Variants in KDM4B observed in about 807,000 individuals in gnomAD.
KDM4B encodes lysine-specific demethylase 4B.
KDM4B carries 32 observed loss-of-function variants against 125.2 expected under a neutral mutation model. The ratio of observed to expected loss-of-function variants is 0.26; its 90% CI spans 0.19 to 0.34. The LOEUF is 0.34. KDM4B is among the 10% of genes least tolerant of loss of function. KDM4B has a pLI of 1.00. For missense variants in KDM4B, 1,190 were observed against 1,577.7 expected, an observed-to-expected ratio of 0.75 and a Z score of 4.16; for synonymous variants, 721 against 677.9, an observed-to-expected ratio of 1.06 and a Z score of -0.99.
intron 1 of KDM4B, among the ~76,000 whole-genome samples, chr19:4,996,800 TAAAAAC>T (rs1241397231): frequency 1.3e-5 from 2 of 152,086 alleles, no homozygotes; most frequent in African/African-American, 2.4e-5. Context: ...TTTCTTGACT[TAAAAAC>T]AAAAAAACAA....
chr19:5,119,077 C>A, intron 10 of KDM4B: 1 of 1,294,038 alleles, frequency 7.7e-7, no homozygotes, highest in Non-Finnish European at 1.1e-6. Context: ...GGGAGTTGAG[C>A]AGAAGTCCTA....
In KDM4B at chr19:5,135,523, T is replaced by A. The variant is rs756673599; in HGVS notation, c.2270T>A (p.Leu757Gln). ...ATCGGCGACGACGGGACCAGCCCCC[T>A]GATCGCCTGCGGCAAGTGCTGCCTG... ...SYIGDDGTSP[L>Q]IACGKCCLQV... Residue 757 changes from leucine to glutamine, a missense_variant, in exon 15 of 23, where the codon CTG (leucine) becomes CAG (glutamine). Physicochemically the swap from Leu to Gln is moderately radical, Grantham distance 113. Transcript: ENST00000159111. 1.2e-6 allele frequency: 2 copies of A among 1,608,930 alleles called. No individual in the cohort carries two copies. Among genetic ancestry groups the A allele is most frequent in the Non-Finnish European group, 1.7e-6 (2 of 1,178,570 alleles).
chr19:4,982,869 T>C (rs1391902958), intron 1 of KDM4B, among the ~76,000 whole-genome samples: 3 of 152,176 alleles, frequency 2.0e-5, no homozygotes, highest in African/African-American at 7.2e-5. Flanking sequence ...CCTTGGCCTC[T>C]GAAAATGCTG....
At chr19:5,058,367 G>A (rs1249110973) in intron 6 of KDM4B, among the ~76,000 whole-genome samples, 1 of 152,240 alleles carries the variant, frequency 6.6e-6, no homozygotes, top group Non-Finnish European at 1.5e-5. Context: ...CCAGGCCCGG[G>A]AGCCCTTGGG....
intron 9 of KDM4B, among the ~76,000 whole-genome samples, chr19:5,088,666 C>CA (rs1033974783): frequency 4.7e-5 from 2 of 42,480 alleles, no homozygotes; most frequent in Non-Finnish European, 1.0e-4. Context: ...CCCCCCCCCT[C>CA]CCCCCCCCCG....
chr19:5,121,945 A>C lies in KDM4B; in HGVS notation c.1315+2093A>C, dbSNP rs1002979784. Among the ~76,000 whole-genome samples, 4 of 152,234 alleles carry C rather than the reference A, an allele frequency of 2.6e-5. No individual in the cohort carries two copies. The East Asian group carries it at 7.8e-4, about 30-fold the overall frequency. On this transcript the variant is annotated intron_variant, in intron 11 of 22. Transcript: ENST00000159111. ...AAAGGTCTAGGAATAGGAATCCCGGAGCAGTGGACTTGGTGTGAGACCTCA... is the reference window on the plus strand; with the variant it reads ...AAAGGTCTAGGAATAGGAATCCCGGCGCAGTGGACTTGGTGTGAGACCTCA...
chr19:5,048,719 AG>A (rs1487544942), intron 6 of KDM4B, among the ~76,000 whole-genome samples: 1 of 152,228 alleles, frequency 6.6e-6, no homozygotes, highest in Non-Finnish European at 1.5e-5. Context: ...CCCAAGGGAA[AG>A]GCCCTGTAGA....
chr19:4,973,484 C>A (rs1383554782), intron 1 of KDM4B, among the ~76,000 whole-genome samples: 3 of 152,140 alleles, frequency 2.0e-5, no homozygotes, highest in African/African-American at 7.2e-5. Context: ...CCACTATGCT[C>A]GGCCAAGTTG....
At chr19:5,013,636 C>T (rs1043782346) in intron 1 of KDM4B, among the ~76,000 whole-genome samples, 4 of 152,314 alleles carry the variant, frequency 2.6e-5, no homozygotes, top group Non-Finnish European at 5.9e-5. Flanking sequence ...ACAGCCACAG[C>T]GCAGCGTTTT....
chr19:5,136,120 C>G (rs922045802), intron 15 of KDM4B, among the ~76,000 whole-genome samples: 2 of 152,258 alleles, frequency 1.3e-5, no homozygotes, highest in Middle Eastern at 3.2e-3. Flanking sequence ...CTCACTGGCC[C>G]TCTGGACAGT....
intron 3 of KDM4B, among the ~76,000 whole-genome samples, chr19:5,038,292 G>A (rs1382131103): frequency 6.6e-6 from 1 of 152,202 alleles, no homozygotes; most frequent in Admixed American, 6.6e-5. Flanking sequence ...GGTGCCCACC[G>A]GCAGTCTAGA....
intron 11 of KDM4B, among the ~76,000 whole-genome samples, chr19:5,128,126 C>G (rs950180553): frequency 6.6e-6 from 1 of 151,932 alleles, no homozygotes; most frequent in African/African-American, 2.4e-5. Flanking sequence ...GAGGACAGCC[C>G]GGCTCTGTGT....
chr19:5,069,027 G>A (rs972427637), intron 6 of KDM4B, among the ~76,000 whole-genome samples: 5 of 152,134 alleles, frequency 3.3e-5, no homozygotes, highest in South Asian at 2.1e-4. Flanking sequence ...TTCCCTGTGC[G>A]GAGGGGTCTT....
chr19:4,992,262 AT>A (rs1343505364), intron 1 of KDM4B, among the ~76,000 whole-genome samples: 2 of 151,920 alleles, frequency 1.3e-5, no homozygotes, highest in African/African-American at 4.8e-5. Flanking sequence ...GGCTGTCTCT[AT>A]TTTGTTTATT....
intron 17 of KDM4B, 73 bp from the exon 18 acceptor site, chr19:5,137,871 ACCCAGCCGACAGCCACAT>A: frequency 8.2e-7 from 1 of 1,215,372 alleles, no homozygotes; most frequent in Non-Finnish European, 1.2e-6. Flanking sequence ...CCAGGCCCTG[ACCCAGCCGACAGCCACAT>A]CACGCCCAGC....
chr19:5,088,665 T>TCCCCCCCCCCC (rs35143112), intron 9 of KDM4B, among the ~76,000 whole-genome samples: 6 of 103,780 alleles, frequency 5.8e-5, no homozygotes, highest in Non-Finnish European at 1.2e-4. Context: ...GCCCCCCCCC[T>TCCCCCCCCCCC]CCCCCCCCCC....
At chr19:5,094,072 G>A (rs181179370) in intron 9 of KDM4B, among the ~76,000 whole-genome samples, 8 of 152,340 alleles carry the variant, frequency 5.3e-5, no homozygotes, top group Admixed American at 3.9e-4. Flanking sequence ...AGGGCTGGCC[G>A]AGATCTCAGG....
Position 5,153,046 on chromosome 19 carries a change from C to CA in KDM4B, c.*1549dup, listed in dbSNP as rs59905127. On this transcript the variant is annotated 3_prime_UTR_variant, in exon 23 of 23. Coordinates refer to ENST00000159111, the MANE Select transcript of KDM4B (RefSeq NM_015015.3). ...GGGCAACAGAGCGAGACCCTGTCTCCAAAAAAAAAAAAAAGCAATGTTTAT... is the reference window on the plus strand; with the variant it reads ...GGGCAACAGAGCGAGACCCTGTCTCCAAAAAAAAAAAAAAAGCAATGTTTAT... 0.02 allele frequency: 1,918 copies of CA among 96,878 alleles called. 46 individuals are homozygous for CA. The highest frequency in any genetic ancestry group is 0.061 in the African/African-American group (1,574 of 25,854). The allele number at this position is 96,878 out of a possible 1,614,324, so 6.0% of individuals were successfully genotyped here.
At chr19:5,015,512 A>G (rs972035695) in intron 1 of KDM4B, among the ~76,000 whole-genome samples, 11 of 152,136 alleles carry the variant, frequency 7.2e-5, no homozygotes, top group South Asian at 4.2e-4. Context: ...TCGGCCTCCC[A>G]AAGTGCTGGG....
Sources: allele counts gnomAD v4.1 joint callset (sites outside exome capture counted in the v4.1 genomes callset), GRCh38; gene constraint gnomAD v4.1.1; transcripts MANE v1.5; gene names NCBI Gene and HGNC (gene_info 2026-07-23, HGNC 2026-07-21).